Variants in DENND4A observed in about 807,000 individuals in gnomAD.
The protein encoded by DENND4A is C-myc promoter-binding protein.
A neutral mutation model predicts 199.3 loss-of-function variants in DENND4A; 70 were observed. The ratio of observed to expected loss-of-function variants is 0.35; its 90% confidence interval spans 0.29 to 0.43. The LOEUF (loss-of-function observed/expected upper bound fraction) is 0.43, where lower values mean the gene tolerates loss of function less well. DENND4A is among the 20% of genes least tolerant of loss of function. DENND4A has a pLI of 1.00. For missense variants in DENND4A, 1,723 were observed against 2,255.8 expected (o/e 0.76, Z 4.78); for synonymous variants, 686 against 766.9 (o/e 0.89, Z 1.74).
At chr15:65,737,178 T>C (rs1377453766) in intron 7 of DENND4A, among the ~76,000 whole-genome samples, 5 of 152,128 alleles carry the variant, frequency 3.3e-5, no homozygotes, top group African/African-American at 1.2e-4. Context: ...CTCTTGTGCC[T>C]TGGCCTCCTG....
intron 8 of DENND4A, among the ~76,000 whole-genome samples, chr15:65,732,051 G>A (rs1260379984): frequency 6.6e-6 from 1 of 151,982 alleles, no homozygotes; most frequent in Non-Finnish European, 1.5e-5. Flanking sequence ...GCCTGTTTTT[G>A]TAAATAAGGT....
chr15:65,774,475 A>G (rs2140911465), intron 1 of DENND4A, among the ~76,000 whole-genome samples: 1 of 149,892 alleles, frequency 6.7e-6, no homozygotes, highest in Middle Eastern at 3.5e-3. Flanking sequence ...GGGCAACAAG[A>G]GTGAAACTCC....
chr15:65,740,397 C>T (rs973889802), intron 5 of DENND4A, among the ~76,000 whole-genome samples: 1 of 148,718 alleles, frequency 6.7e-6, no homozygotes, highest in Non-Finnish European at 1.5e-5. Context: ...ATCACTTGAG[C>T]GAAGGAGTTC....
In DENND4A at chr15:65,752,427, G is replaced by T. The variant is rs2076592422; in HGVS notation, c.513C>A (p.Ser171Arg). The T allele has an allele frequency of 6.2e-7, 1 of 1,613,198 alleles. No homozygotes were observed. The highest frequency in any genetic ancestry group is 1.1e-5 in the South Asian group (1 of 91,006). The change falls in exon 4 of 33, where the codon AGC (serine) becomes AGA (arginine). Residue 171 changes from serine (S) to arginine (R), a missense_variant. Physicochemically the swap from Ser to Arg is moderately radical, Grantham distance 110. This residue lies in a region of DENND4A where 725 missense variants were observed against 952.9 expected (regional missense o/e 0.76). Coordinates refer to ENST00000443035, the MANE Select transcript of DENND4A (RefSeq NM_001320835.1). ...ICIIIPSKGE[S>R]PPHTFCKVDK... ...CGACTTTGCAGAACGTGTGTGGTGG[G>T]CTTTCTCCTTTACTGGGTATAATAA...
chr15:65,752,739 C>A, intron 3 of DENND4A, 111 bp from the exon 4 acceptor site: 1 of 684,936 alleles, frequency 1.5e-6, no homozygotes, highest in Non-Finnish European at 2.3e-6. Context: ...AAAAATATTC[C>A]AATCTTACTG....
At chr15:65,764,807 T>C (rs1378967869) in intron 1 of DENND4A, among the ~76,000 whole-genome samples, 1 of 151,844 alleles carries the variant, frequency 6.6e-6, no homozygotes, top group Non-Finnish European at 1.5e-5. Flanking sequence ...ACCCCATCTG[T>C]ACAAAAAATT....
chr15:65,676,887 G>A (rs1445230296), intron 23 of DENND4A, among the ~76,000 whole-genome samples: 2 of 152,088 alleles, frequency 1.3e-5, no homozygotes, highest in Admixed American at 6.5e-5. Flanking sequence ...AGGTAACCTC[G>A]TTGACTTTTA....
At position 65,771,985 on chromosome 15, in the gene DENND4A, T is replaced by C. The variant is rs1010980460; in HGVS notation, c.-101-10547A>G. 2.9e-5 allele frequency: 43 copies of C among 1,505,894 alleles called. No individual in the cohort carries two copies. The African/African-American group carries it at 4.3e-4, about 15-fold the overall frequency. 93.3% of individuals were successfully genotyped at this position (1,505,894 alleles called of 1,614,324 possible). A position where few individuals can be genotyped will look rare whatever the true frequency, so the allele number is the denominator to read the frequency against. On this transcript the variant is annotated intron_variant, in intron 1 of 32. Coordinates refer to ENST00000443035, the MANE Select transcript of DENND4A (RefSeq NM_001320835.1). ...ATCTTTCGTAACTCCAAGTACTTCA[T>C]AGTAATTTTTATATTTGTTTATGCG...
intron 4 of DENND4A, among the ~76,000 whole-genome samples, chr15:65,748,953 A>C (rs1038557844): frequency 1.3e-5 from 2 of 150,954 alleles, no homozygotes; most frequent in Non-Finnish European, 3.0e-5. Context: ...TGAGCAGTCC[A>C]CTATACTCCA....
intron 4 of DENND4A, among the ~76,000 whole-genome samples, chr15:65,749,669 C>T (rs568832983): frequency 4.6e-5 from 7 of 151,628 alleles, no homozygotes; most frequent in East Asian, 1.9e-4. Flanking sequence ...TATTATCAAC[C>T]TCCACAATAA....
intron 1 of DENND4A, among the ~76,000 whole-genome samples, chr15:65,791,472 A>G (rs1310352683): frequency 7.4e-6 from 1 of 135,842 alleles, no homozygotes; most frequent in Non-Finnish European, 1.6e-5. Context: ...CCCCCCCAAA[A>G]AGACTAGAAA....
intron 24 of DENND4A, among the ~76,000 whole-genome samples, chr15:65,674,097 G>C (rs1267474516): frequency 6.6e-6 from 1 of 152,002 alleles, no homozygotes; most frequent in Non-Finnish European, 1.5e-5. Flanking sequence ...AGAGTTAATA[G>C]ACATATCAGC....
intron 25 of DENND4A, among the ~76,000 whole-genome samples, chr15:65,671,390 T>C (rs190907529): frequency 1.3e-5 from 2 of 152,330 alleles, no homozygotes; most frequent in East Asian, 1.9e-4. Flanking sequence ...TTTAACTTAT[T>C]ATTTTTTCTC....
chr15:65,727,881 C>A, intron 11 of DENND4A: 1 of 351,768 alleles, frequency 2.8e-6, no homozygotes, highest in Non-Finnish European at 5.4e-6. Context: ...AAATTCAGTG[C>A]AAAGAAATGA....
At chr15:65,748,216 T>C (rs1452327859) in intron 4 of DENND4A, among the ~76,000 whole-genome samples, 1 of 151,972 alleles carries the variant, frequency 6.6e-6, no homozygotes, top group African/African-American at 2.4e-5. Context: ...AATAGGACAC[T>C]GTAAATATCT....
intron 9 of DENND4A, among the ~76,000 whole-genome samples, chr15:65,731,035 A>T (rs1481392647): frequency 6.6e-6 from 1 of 152,028 alleles, no homozygotes; most frequent in Admixed American, 6.5e-5. Context: ...TAGTGATGAA[A>T]TAATCTGCAA....
chr15:65,756,056 T>C, intron 3 of DENND4A, 84 bp downstream of exon 3: 2 of 1,196,464 alleles, frequency 1.7e-6, no homozygotes, highest in Non-Finnish European at 2.3e-6. Context: ...CATCTATTAA[T>C]GACCAGAATG....
chr15:65,771,376 T>C, intron 1 of DENND4A: 19 of 1,584,472 alleles, frequency 1.2e-5, no homozygotes, highest in Non-Finnish European at 1.6e-5. Flanking sequence ...CCTTTTGTAA[T>C]AACATTCCTT....
At chr15:65,671,605 G>T (rs1281563400) in intron 25 of DENND4A, among the ~76,000 whole-genome samples, 187 bp downstream of exon 25, 3 of 152,138 alleles carry the variant, frequency 2.0e-5, no homozygotes, top group Non-Finnish European at 4.4e-5. Context: ...GGCCAGGCTG[G>T]CCTCGAACCC....
Sources: allele counts gnomAD v4.1 joint callset (sites outside exome capture counted in the v4.1 genomes callset), GRCh38; gene constraint gnomAD v4.1.1; regional missense constraint gnomAD v4.1.1; transcripts MANE v1.5; gene names NCBI Gene and HGNC (gene_info 2026-07-23, HGNC 2026-07-21).